The following CENPU variants were observed in gnomAD, a reference collection of about 807,000 sequenced individuals.
CENPU encodes the protein centromere protein U.
A neutral mutation model predicts 56.7 loss-of-function variants in CENPU; 46 were observed. The ratio of observed to expected loss-of-function variants is 0.81; its 90% CI spans 0.64 to 1.04. The LOEUF (loss-of-function observed/expected upper bound fraction) is 1.04, where lower values mean the gene tolerates loss of function less well. Ranked by LOEUF, CENPU falls within the 50% of genes least tolerant of loss-of-function variation. The probability of loss-of-function intolerance (pLI) is 0.00; values close to 1 mark genes in which losing one functional copy is unlikely to be tolerated. For missense variants in CENPU, 510 were observed against 490.1 expected (o/e 1.04, Z -0.38); for synonymous variants, 166 against 163.0 (o/e 1.02, Z -0.14).
At chr4:184,697,836 G>C (rs764495419) in intron 11 of CENPU, 33 bp from the exon 12 acceptor site, 2 of 1,557,342 alleles carry the variant, frequency 1.3e-6, no homozygotes, top group East Asian at 4.5e-5. Context: ...ATAATAAAAT[G>C]TACCAGCCTA....
intron 4 of CENPU, among the ~76,000 whole-genome samples, chr4:184,724,413 G>A (rs1454740713): frequency 6.6e-6 from 1 of 152,158 alleles, no homozygotes; most frequent in Non-Finnish European, 1.5e-5. Flanking sequence ...GAGTACTACA[G>A]TTATCGAAGA....
chr4:184,722,710 CAAAACAAA>C (rs1198357742), intron 4 of CENPU, among the ~76,000 whole-genome samples: 2 of 141,054 alleles, frequency 1.4e-5, no homozygotes, highest in African/African-American at 5.4e-5. Context: ...CAAAACAAAA[CAAAACAAA>C]AAAAAACTGT....
At chr4:184,705,789 G>T (rs1760707735) in intron 8 of CENPU, among the ~76,000 whole-genome samples, 1 of 152,136 alleles carries the variant, frequency 6.6e-6, no homozygotes, top group Admixed American at 6.5e-5. Context: ...AACAAAGAAG[G>T]AAATTCTGAT....
At chr4:184,712,486 C>T (rs1482887899) in intron 7 of CENPU, among the ~76,000 whole-genome samples, 2 of 152,148 alleles carry the variant, frequency 1.3e-5, no homozygotes, top group East Asian at 3.9e-4. Context: ...TACATGTTGA[C>T]AGTGACTTGA....
chr4:184,694,579 C>T lies in CENPU; in HGVS notation c.*709G>A, dbSNP rs373742965. On this transcript the variant is annotated 3_prime_UTR_variant, in exon 13 of 13. Coordinates refer to ENST00000281453, the MANE Select transcript of CENPU (RefSeq NM_024629.4). ...AACTAGGAGCAATGAAACCCAGAAT[C>T]CTCATAAACCATCACCTAGCAGGCT... The T allele has an allele frequency of 3.3e-5, 53 of 1,613,978 alleles. No individual in the cohort carries two copies. The highest frequency in any genetic ancestry group is 1.3e-4 in the South Asian group (12 of 91,076).
chr4:184,697,256 G>A (rs2150198414), intron 12 of CENPU, among the ~76,000 whole-genome samples: 1 of 152,210 alleles, frequency 6.6e-6, no homozygotes, highest in South Asian at 2.1e-4. Flanking sequence ...AAAAGATGCC[G>A]TGAACATGGG....
chr4:184,729,206 T>C (rs1182083908), intron 2 of CENPU, among the ~76,000 whole-genome samples, 171 bp from the exon 3 acceptor site: 1 of 152,230 alleles, frequency 6.6e-6, no homozygotes, highest in African/African-American at 2.4e-5. Flanking sequence ...CATAGACATG[T>C]ATGGCAAGAT....
chr4:184,727,691 T>C (rs966981583), intron 3 of CENPU, among the ~76,000 whole-genome samples: 1 of 152,054 alleles, frequency 6.6e-6, no homozygotes, highest in Non-Finnish European at 1.5e-5. Flanking sequence ...ACACAAAAAC[T>C]CTTACACAAA....
At chr4:184,703,832 C>A (rs1411641364) in intron 8 of CENPU, among the ~76,000 whole-genome samples, 1 of 152,164 alleles carries the variant, frequency 6.6e-6, no homozygotes, top group Non-Finnish European at 1.5e-5. Flanking sequence ...ATGTCTCAGT[C>A]AACGATGGAT....
intron 4 of CENPU, 86 bp downstream of exon 4, chr4:184,724,871 C>T: frequency 1.2e-6 from 1 of 865,804 alleles, no homozygotes; most frequent in Non-Finnish European, 1.8e-6. Flanking sequence ...TCTTGAAATG[C>T]TTTTGTTTTA....
intron 7 of CENPU, among the ~76,000 whole-genome samples, chr4:184,712,119 CAAAAAAAA>C (rs10650384): frequency 2.5e-5 from 2 of 80,706 alleles, no homozygotes; most frequent in African/African-American, 9.4e-5. Flanking sequence ...GACTCAGTCT[CAAAAAAAA>C]AAAAAAAAAA....
rs1373783056 is a variant in CENPU, at chr4:184,716,534, G to A, written c.481C>T (p.Arg161Cys). 8.1e-6 allele frequency: 13 copies of A among 1,613,984 alleles called. No homozygotes were observed. Among genetic ancestry groups the A allele is most frequent in the African/African-American group, 2.7e-5 (2 of 74,916 alleles). ...GCTGTGGTTCGAATAACCTCATGAC[G>A]TTGTGTACTTATTTTCTCTGCTGAT... ...VKSAEKISTQ[R>C]HEVIRTTASS... Residue 161 changes from arginine (R) to cysteine (C), a missense_variant, in exon 6 of 13, where the codon CGT (arginine) becomes TGT (cysteine). Physicochemically the swap from Arg to Cys is radical, Grantham distance 180 (BLOSUM62 -3). Transcript: ENST00000281453.
rs747982796 is a variant in CENPU at position 184,716,564 on chromosome 4, C to G, written c.451G>C (p.Val151Leu). ...GTACTTATTTTCTCTGCTGATTTAA[C>G]TTTTCTCCTTGTATCACTTTCTTCA... is the stretch of plus-strand genomic sequence containing the variant. Reference protein sequence around the residue: ...SIEESDTRRKVKSAEKISTQR... With the variant: ...SIEESDTRRKLKSAEKISTQR... The change falls in exon 6 of 13, where the codon GTT becomes CTT. Residue 151 changes from valine to leucine, a missense_variant. Val to Leu is a conservative substitution (Grantham distance 32). Coordinates refer to ENST00000281453, the MANE Select transcript of CENPU (RefSeq NM_024629.4). The G allele has an allele frequency of 2.5e-6, 4 of 1,614,204 alleles. No homozygotes were observed. The highest frequency in any genetic ancestry group is 2.5e-6 in the Non-Finnish European group (3 of 1,180,026).
rs753929128 is a variant in CENPU at position 184,694,807 on chromosome 4, CA to C, written c.*480del. On this transcript the variant is annotated 3_prime_UTR_variant, in exon 13 of 13. Coordinates refer to ENST00000281453, the MANE Select transcript of CENPU (RefSeq NM_024629.4). Reference sequence around the variant, plus strand: ...AATTCACTATGAACACTTTTGTCACCAGGCTATAATTTGCCTGATGTCTGTG... The same window carrying C: ...AATTCACTATGAACACTTTTGTCACCGGCTATAATTTGCCTGATGTCTGTG... 8.9e-6 allele frequency: 14 copies of C among 1,574,746 alleles called. No individual in the cohort carries two copies. Among genetic ancestry groups the C allele is most frequent in the Middle Eastern group, 3.4e-4 (2 of 5,948 alleles).
At chr4:184,727,242 C>G (rs1489529487) in intron 3 of CENPU, among the ~76,000 whole-genome samples, 6 of 151,916 alleles carry the variant, frequency 3.9e-5, no homozygotes, top group Non-Finnish European at 4.4e-5. Flanking sequence ...ACATCAGATT[C>G]CTAGAAAACA....
intron 7 of CENPU, among the ~76,000 whole-genome samples, chr4:184,711,898 G>T (rs766298193): frequency 6.6e-6 from 1 of 152,012 alleles, no homozygotes; most frequent in Non-Finnish European, 1.5e-5. Context: ...CAAGGCAGGC[G>T]GATCATGAGG....
chr4:184,708,266 C>T (rs1257905886), intron 8 of CENPU, among the ~76,000 whole-genome samples: 2 of 143,230 alleles, frequency 1.4e-5, no homozygotes, highest in Non-Finnish European at 3.1e-5. Context: ...AATATAAAAG[C>T]TAAGTTAAAT....
intron 8 of CENPU, among the ~76,000 whole-genome samples, chr4:184,708,621 C>T (rs2150210015): frequency 6.6e-6 from 1 of 152,114 alleles, no homozygotes; most frequent in Non-Finnish European, 1.5e-5. Flanking sequence ...TTTCCAAAAG[C>T]AACACTTGAT....
At chr4:184,708,786 G>C (rs1760818593) in intron 8 of CENPU, among the ~76,000 whole-genome samples, 1 of 152,162 alleles carries the variant, frequency 6.6e-6, no homozygotes, top group Non-Finnish European at 1.5e-5. Flanking sequence ...TGAGGTGTTG[G>C]ATGAAATGCT....
Sources: gnomAD v4.1 joint callset for allele counts (sites outside exome capture counted in the v4.1 genomes callset) on GRCh38, gnomAD v4.1.1 for gene constraint, MANE v1.5 for transcripts, NCBI Gene and HGNC (gene_info 2026-07-23, HGNC 2026-07-21) for gene names.